The following ATP10B variants were observed in gnomAD, a reference collection of about 807,000 sequenced individuals.
ATP10B encodes the protein phospholipid-transporting ATPase VB.
Under a neutral mutation model 141.2 loss-of-function variants are expected in ATP10B, and 122 were observed. The observed-to-expected ratio is 0.86, with a 90% CI of 0.75 to 1.00. The LOEUF (loss-of-function observed/expected upper bound fraction) is 1.00, where lower values mean the gene tolerates loss of function less well. Among genes scored for constraint, ATP10B ranks in the 50% least tolerant of loss-of-function variants. The pLI is 0.00. For synonymous variants in ATP10B, 685 were observed against 692.0 expected (o/e 0.99, Z 0.16); for missense variants, 1,876 against 1,825.3 (o/e 1.03, Z -0.51).
chr5:160,612,321 T>A (rs1470687130), intron 18 of ATP10B: 1 of 153,578 alleles, frequency 6.5e-6, no homozygotes, highest in Non-Finnish European at 1.4e-5. Context: ...TGAGTTTCCA[T>A]AAGCAAACAG....
At chr5:160,883,284 A>G in the ATP10B span, among the ~76,000 whole-genome samples, 5 of 152,192 alleles carry the variant, frequency 3.3e-5, no homozygotes, top group South Asian at 1.0e-3. Context: ...GAATCTATTG[A>G]ATGAAAACTT....
the ATP10B span, among the ~76,000 whole-genome samples, chr5:160,922,817 G>A: frequency 3.3e-5 from 5 of 152,130 alleles, no homozygotes; most frequent in African/African-American, 4.8e-5. Flanking sequence ...TTGCACTCTC[G>A]GGCTTATATC....
At chr5:160,874,673 A>G in the ATP10B span, among the ~76,000 whole-genome samples, 2 of 152,342 alleles carry the variant, frequency 1.3e-5, no homozygotes, top group South Asian at 2.1e-4. Context: ...AATAATCAAT[A>G]CAGAGAAGCG....
chr5:160,741,459 A>G (rs1767475006), intron 2 of ATP10B, among the ~76,000 whole-genome samples: 1 of 152,090 alleles, frequency 6.6e-6, no homozygotes, highest in Non-Finnish European at 1.5e-5. Flanking sequence ...CTCTGCCTTG[A>G]GTTGCCTTCA....
rs552713408 is a variant in ATP10B at position 160,800,264 on chromosome 5, ATCTC to A, written c.-575-14465_-575-14462del. Among the ~76,000 whole-genome samples the A allele has an allele frequency of 3.9e-5, 6 of 152,356 alleles. No individual in the cohort carries two copies. In the East Asian group the frequency reaches 7.7e-4, roughly 20 times the overall value. Reference sequence around the variant, plus strand: ...CTAAACAACTTCGATTAGTTGCTTAATCTCTCTAAGCCTCAGTTTCCTCATCTAT... The same window carrying A: ...CTAAACAACTTCGATTAGTTGCTTAATCTAAGCCTCAGTTTCCTCATCTAT... On this transcript the variant is annotated intron_variant, in intron 1 of 25. Coordinates refer to ENST00000327245, the MANE Select transcript of ATP10B (RefSeq NM_025153.3).
the ATP10B span, among the ~76,000 whole-genome samples, chr5:160,874,603 T>C: frequency 6.6e-6 from 1 of 151,948 alleles, no homozygotes; most frequent in Admixed American, 6.6e-5. Context: ...AGGAGGACAT[T>C]CAAACCAAAG....
At chr5:160,672,788 A>C (rs978652414) in intron 6 of ATP10B, among the ~76,000 whole-genome samples, 2 of 152,230 alleles carry the variant, frequency 1.3e-5, no homozygotes, top group Admixed American at 1.3e-4. Context: ...AAGAGTTGTG[A>C]ATAGAATTCC....
chr5:160,659,293 G>A (rs1414800221), intron 7 of ATP10B, among the ~76,000 whole-genome samples: 1 of 151,912 alleles, frequency 6.6e-6, no homozygotes, highest in Non-Finnish European at 1.5e-5. Flanking sequence ...GTGAAACTCC[G>A]TCTCTACTAA....
At chr5:160,734,079 G>C (rs1390932468) in intron 2 of ATP10B, among the ~76,000 whole-genome samples, 1 of 127,712 alleles carries the variant, frequency 7.8e-6, no homozygotes, top group Non-Finnish European at 1.6e-5. Context: ...CTGCACTCCA[G>C]GTTGGTGACA....
chr5:160,769,785 A>G (rs1041656367), intron 2 of ATP10B, among the ~76,000 whole-genome samples: 3 of 152,226 alleles, frequency 2.0e-5, no homozygotes, highest in Non-Finnish European at 4.4e-5. Context: ...TAGCATTGCC[A>G]TAGCACAATC....
At chr5:160,673,036 C>T (rs924718707) in intron 6 of ATP10B, among the ~76,000 whole-genome samples, 8 of 152,194 alleles carry the variant, frequency 5.3e-5, no homozygotes, top group Non-Finnish European at 1.0e-4. Flanking sequence ...AACTTTAGAA[C>T]TCGAAAGAAC....
chr5:160,805,609 A>T (rs1171162670), intron 1 of ATP10B, among the ~76,000 whole-genome samples: 1 of 151,974 alleles, frequency 6.6e-6, no homozygotes, highest in Non-Finnish European at 1.5e-5. Context: ...AGAGCCAGAA[A>T]CCTGTCTCGC....
At chr5:160,880,289 A>G in the ATP10B span, among the ~76,000 whole-genome samples, 2 of 148,906 alleles carry the variant, frequency 1.3e-5, no homozygotes, top group East Asian at 3.9e-4. Flanking sequence ...AACTATGATG[A>G]AAGAAATCAA....
At chr5:160,902,116 A>T in the ATP10B span, among the ~76,000 whole-genome samples, 1 of 152,220 alleles carries the variant, frequency 6.6e-6, no homozygotes, top group Non-Finnish European at 1.5e-5. Flanking sequence ...CAGAAAACTA[A>T]CTAAAAATAA....
At chr5:160,577,916 C>T (rs1755299186) in intron 24 of ATP10B, among the ~76,000 whole-genome samples, 1 of 151,824 alleles carries the variant, frequency 6.6e-6, no homozygotes. Flanking sequence ...TTAGGTCAAA[C>T]AATTTATTAA....
the ATP10B span, among the ~76,000 whole-genome samples, chr5:160,906,362 A>G: frequency 6.6e-6 from 1 of 151,992 alleles, no homozygotes; most frequent in Non-Finnish European, 1.5e-5. Flanking sequence ...TCCATACCCT[A>G]TGCTACTCAA....
chr5:160,858,889 T>C, the ATP10B span, among the ~76,000 whole-genome samples: 1 of 151,932 alleles, frequency 6.6e-6, no homozygotes, highest in African/African-American at 2.4e-5. Context: ...TTCATAAATA[T>C]GTCCTCTACA....
At chr5:160,776,864 T>C (rs1049863267) in intron 2 of ATP10B, among the ~76,000 whole-genome samples, 1 of 152,180 alleles carries the variant, frequency 6.6e-6, no homozygotes, top group Non-Finnish European at 1.5e-5. Context: ...ATTTAAAAAT[T>C]GAAGCAAACA....
chr5:160,736,209 A>C (rs1767103019), intron 2 of ATP10B, among the ~76,000 whole-genome samples: 1 of 152,194 alleles, frequency 6.6e-6, no homozygotes. Context: ...AGTTAAACAA[A>C]ATGGAAAAAC....
Sources: allele counts gnomAD v4.1 joint callset (sites outside exome capture counted in the v4.1 genomes callset), GRCh38; gene constraint gnomAD v4.1.1; transcripts MANE v1.5; gene names NCBI Gene and HGNC (gene_info 2026-07-23, HGNC 2026-07-21).